Variants in TAPBPL observed in about 807,000 individuals in gnomAD.
The protein encoded by TAPBPL is TAP binding protein like.
TAPBPL carries 32 observed loss-of-function variants against 44.8 expected under a neutral mutation model. The observed-to-expected ratio is 0.71, with a 90% CI of 0.54 to 0.96. TAPBPL has a LOEUF of 0.96. Ranked by LOEUF, TAPBPL falls within the 40% of genes least tolerant of loss-of-function variation. The probability of loss-of-function intolerance (pLI) is 0.00; values close to 1 mark genes in which losing one functional copy is unlikely to be tolerated. For missense variants in TAPBPL, 520 were observed against 586.6 expected (o/e 0.89, Z 1.17); for synonymous variants, 230 against 240.7 (o/e 0.96, Z 0.41).
chr12:6,464,629 C>G, downstream of TAPBPL: 1 of 1,456,348 alleles, frequency 6.9e-7, no homozygotes, highest in East Asian at 2.5e-5. Context: ...CCAACCCAAG[C>G]CAGTGACACA....
At chr12:6,454,805 C>T (rs1949661874) in intron 3 of TAPBPL, among the ~76,000 whole-genome samples, 1 of 152,140 alleles carries the variant, frequency 6.6e-6, no homozygotes, top group Non-Finnish European at 1.5e-5. Context: ...CTCGAGGGCA[C>T]AAGAAATTGA....
At chr12:6,465,743 C>T (rs974267055), downstream of TAPBPL, 12 of 1,474,786 alleles carry the variant, frequency 8.1e-6, no homozygotes, top group East Asian at 2.6e-4. Flanking sequence ...CAGAGAGATC[C>T]TGCACCATTA....
intron 1 of TAPBPL, 104 bp downstream of exon 1, chr12:6,452,416 C>G (rs1949574794): frequency 1.4e-6 from 2 of 1,477,424 alleles, no homozygotes; most frequent in Non-Finnish European, 1.8e-6. Context: ...CGGGGATGAC[C>G]CCATCGCCTT....
rs1386814126 is a variant in TAPBPL at position 6,462,100 on chromosome 12, G to A, written c.1358G>A (p.Ser453Asn). The A allele has an allele frequency of 6.2e-7, 1 of 1,613,754 alleles. No homozygotes were observed. The highest frequency in any genetic ancestry group is 1.7e-5 in the Admixed American group (1 of 60,014). ...WETTSCADTQ[S>N]SHLHEDRTAR... ...ACCACTTCCTGTGCTGACACACAGA[G>A]CTCCCATCTCCATGAAGACCGCACA... Residue 453 changes from serine (S) to asparagine (N), a missense_variant, in exon 7 of 7, where the codon AGC becomes AAC. Physicochemically the swap from Ser to Asn is conservative, Grantham distance 46. Transcript: ENST00000266556.
At chr12:6,455,772 T>C (rs532435259) in intron 3 of TAPBPL, among the ~76,000 whole-genome samples, 7 of 81,588 alleles carry the variant, frequency 8.6e-5, no homozygotes, top group Admixed American at 8.3e-4. Context: ...TCTTTTTTTT[T>C]TTTTTTTTTT....
chr12:6,458,919 T>A lies in TAPBPL; in HGVS notation c.1179T>A (p.Leu393=), dbSNP rs1471556770. The change falls in exon 5 of 7, where the codon CTT becomes CTA. Residue 393 remains leucine (L), a synonymous_variant. Coordinates refer to ENST00000266556, the MANE Select transcript of TAPBPL (RefSeq NM_018009.5). ...CACACATCTCTCTGGAGGAGCCCCT[T>A]GGGGCCAGCACCCAGGTTGTCCCAC... ...QVTHISLEEP[L]GASTQVVPPE... is the part of the protein sequence containing the mutation. 2 of 1,613,942 alleles carry A rather than the reference T, an allele frequency of 1.2e-6. No individual in the cohort carries two copies. The highest frequency in any genetic ancestry group is 2.7e-5 in the African/African-American group (2 of 74,932).
chr12:6,462,771 G>A, downstream of TAPBPL: 1 of 1,533,332 alleles, frequency 6.5e-7, no homozygotes, highest in East Asian at 2.3e-5. Flanking sequence ...GGAGCCCAGA[G>A]GAGAGTGGAG....
At position 6,457,595 on chromosome 12, in the gene TAPBPL, G is replaced by A; in HGVS notation, c.755G>A (p.Gly252Asp). 6.2e-7 allele frequency: 1 copy of A among 1,614,194 alleles called. No individual in the cohort carries two copies. The highest frequency in any genetic ancestry group is 2.2e-5 in the East Asian group (1 of 44,888). ...TAGQGQAVRK[G>D]ATLEPAQLGM... is the part of the protein sequence containing the mutation. The stretch of plus-strand genomic sequence containing the variant: ...GGGCAGGGGCAGGCTGTGCGGAAGG[G>A]CGCTACCCTGGAGCCTGCACAACTG... Residue 252 changes from glycine to aspartate, a missense_variant, in exon 4 of 7, where the codon GGC (glycine) becomes GAC (aspartate). By Grantham distance (94) the Gly-to-Asp change is moderately conservative. Coordinates refer to ENST00000266556, the MANE Select transcript of TAPBPL (RefSeq NM_018009.5).
chr12:6,454,485 C>A (rs1395444971), intron 3 of TAPBPL, among the ~76,000 whole-genome samples: 1 of 152,118 alleles, frequency 6.6e-6, no homozygotes, highest in African/African-American at 2.4e-5. Context: ...ACAACAACAA[C>A]AAAAACCCTG....
downstream of TAPBPL, chr12:6,463,014 T>G (rs1949921319): frequency 6.5e-7 from 1 of 1,548,726 alleles, no homozygotes; most frequent in Non-Finnish European, 8.7e-7. The surrounding 1 kb of genome is among the most constrained non-coding windows in gnomAD (Gnocchi z 4.0). Context: ...CCATGGGCAT[T>G]CTCCGCTCTG....
intron 1 of TAPBPL, 177 bp downstream of exon 1, chr12:6,452,489 G>T: frequency 6.9e-7 from 1 of 1,439,524 alleles, no homozygotes; most frequent in South Asian, 1.5e-5. Flanking sequence ...TGTGTGTGGA[G>T]GGAGGGTGGG....
downstream of TAPBPL, chr12:6,464,197 G>A (rs1949947002): frequency 6.8e-7 from 1 of 1,477,652 alleles, no homozygotes; most frequent in South Asian, 1.2e-5. Context: ...ACTCTTTGGG[G>A]CTTTGGGGGA....
chr12:6,466,572 A>C, downstream of TAPBPL: 1 of 428,726 alleles, frequency 2.3e-6, no homozygotes, highest in Non-Finnish European at 4.2e-6. Context: ...AAACCACTTA[A>C]ACAATTATGA....
At position 6,462,090 on chromosome 12, in the gene TAPBPL, GAC is replaced by G; in HGVS notation, c.1354_1355del (p.Gln452GlufsTer6). ...AERWETTSCA[D>X]TQSSHLHEDR... is the part of the protein sequence containing the mutation. ...ACGCTGGGAGACCACTTCCTGTGCT[GAC>G]ACACAGAGCTCCCATCTCCATGAAG... On this transcript the variant is annotated frameshift_variant, in exon 7 of 7. Coordinates refer to ENST00000266556, the MANE Select transcript of TAPBPL (RefSeq NM_018009.5). LOFTEE classifies it low-confidence loss of function (END_TRUNC). 2 of 1,613,524 alleles carry G rather than the reference GAC, an allele frequency of 1.2e-6. No homozygotes were observed. Among genetic ancestry groups the G allele is most frequent in the Non-Finnish European group, 1.7e-6 (2 of 1,179,618 alleles).
chr12:6,467,577 A>AT (rs1368291731), downstream of TAPBPL, among the ~76,000 whole-genome samples: 2 of 152,194 alleles, frequency 1.3e-5, no homozygotes, highest in Non-Finnish European at 2.9e-5. Flanking sequence ...GAAAAAAACC[A>AT]TTTTTTTGAG....
chr12:6,463,709 C>T, downstream of TAPBPL: 1 of 1,140,182 alleles, frequency 8.8e-7, no homozygotes, highest in Non-Finnish European at 1.1e-6. The surrounding 1 kb of genome is among the most constrained non-coding windows in gnomAD (Gnocchi z 4.0). Flanking sequence ...TGCCCTCATA[C>T]AGAATGCTGT....
chr12:6,457,358 C>A, intron 3 of TAPBPL, 48 bp from the exon 4 acceptor site: 1 of 1,564,326 alleles, frequency 6.4e-7, no homozygotes. Context: ...ATCAGGTGAC[C>A]TCAAGGAGGA....
upstream of TAPBPL, chr12:6,452,000 G>A: frequency 1.8e-6 from 1 of 558,116 alleles, no homozygotes; most frequent in Non-Finnish European, 3.2e-6. Context: ...TGAGGTGGGT[G>A]GTGAGAAAGG....
chr12:6,457,636 G>C lies in TAPBPL; in HGVS notation c.796G>C (p.Ala266Pro). ...TGCACAACTGGGCATGGCCAGGGAT[G>C]CCTCCCTCACCCTGCCCGGCCTCAC... is the stretch of plus-strand genomic sequence containing the variant. ...EPAQLGMARDASLTLPGLTIQ... is the reference protein window; with the variant it reads ...EPAQLGMARDPSLTLPGLTIQ... The change falls in exon 4 of 7, where the codon GCC (alanine) becomes CCC (proline). Residue 266 changes from alanine to proline, a missense_variant. Ala to Pro is a conservative substitution (Grantham distance 27, BLOSUM62 -1). Transcript: ENST00000266556. 6.2e-7 allele frequency: 1 copy of C among 1,614,184 alleles called. No individual in the cohort carries two copies.
Sources: gnomAD v4.1 joint callset for allele counts (sites outside exome capture counted in the v4.1 genomes callset) on GRCh38, gnomAD v4.1.1 for gene constraint, Gnocchi (gnomAD v3.1) non-coding constraint, MANE v1.5 for transcripts, NCBI Gene and HGNC (gene_info 2026-07-23, HGNC 2026-07-21) for gene names.